The following THRB variants were observed in gnomAD, a reference collection of about 807,000 sequenced individuals.
THRB encodes the protein nuclear receptor subfamily 1 group A member 2.
THRB carries 12 observed loss-of-function variants against 47.8 expected under a neutral mutation model. The observed-to-expected ratio is 0.25, with a 90% CI of 0.16 to 0.41. THRB has a LOEUF of 0.41. Among genes scored for constraint, THRB ranks in the 10% least tolerant of loss-of-function variants. The pLI is 1.00. For missense variants in THRB, 348 were observed against 589.2 expected, an observed-to-expected ratio of 0.59 and a Z score of 4.24; for synonymous variants, 218 against 212.2, an observed-to-expected ratio of 1.03 and a Z score of -0.24.
intron 3 of THRB, among the ~76,000 whole-genome samples, chr3:24,235,248 G>A (rs543194889): frequency 6.6e-6 from 1 of 152,268 alleles, no homozygotes; most frequent in Admixed American, 6.5e-5. Flanking sequence ...ACTCCAGCAC[G>A]CTTGCCCTGA....
intron 1 of THRB, among the ~76,000 whole-genome samples, chr3:24,400,170 G>T (rs1316013199): frequency 6.6e-6 from 1 of 152,028 alleles, no homozygotes; most frequent in South Asian, 2.1e-4. Flanking sequence ...ACTAATCAGT[G>T]TTCCTGTACA....
In THRB at chr3:24,355,344, A is replaced by G. The variant is rs2063608186; in HGVS notation, c.-260-17973T>C. Among the ~76,000 whole-genome samples the G allele has an allele frequency of 3.3e-5, 5 of 152,180 alleles. No individual in the cohort carries two copies. The South Asian group carries it at 1.0e-3, about 32-fold the overall frequency. On this transcript the variant is annotated intron_variant, in intron 1 of 10. Transcript: ENST00000646209. The stretch of plus-strand genomic sequence containing the variant: ...AAAGGCTGAGGAAATGTTTCTGTAT[A>G]ATAAAGGAGCCTAATGAGACATGAC...
intron 2 of THRB, among the ~76,000 whole-genome samples, chr3:24,323,228 T>C (rs79148146): frequency 3.0e-5 from 4 of 134,864 alleles, no homozygotes; most frequent in Admixed American, 2.2e-4. Context: ...CGGTTTTTGG[T>C]TTTTTTTTTT....
chr3:24,159,274 G>C (rs2038384045), intron 5 of THRB, among the ~76,000 whole-genome samples: 1 of 152,014 alleles, frequency 6.6e-6, no homozygotes, highest in Non-Finnish European at 1.5e-5. Flanking sequence ...CTGTCGTTAT[G>C]AGCTATACTG....
chr3:24,370,442 C>T lies in THRB; in HGVS notation c.-260-33071G>A, dbSNP rs116866934. Among the ~76,000 whole-genome samples the T allele has an allele frequency of 2.2e-3, 339 of 151,982 alleles. 6 individuals are homozygous for T. In the East Asian group the frequency reaches 0.043, roughly 19 times the overall value. On this transcript the variant is annotated intron_variant, in intron 1 of 10. Coordinates refer to ENST00000646209, the MANE Select transcript of THRB (RefSeq NM_001354712.2). ...TTGTGTCAAGATGATCATGGCAGGACGTGTGTGAGGTGTGCACATGAGTGT... is the reference window on the plus strand; with the variant it reads ...TTGTGTCAAGATGATCATGGCAGGATGTGTGTGAGGTGTGCACATGAGTGT...
At chr3:24,275,290 G>C (rs1465646185) in intron 3 of THRB, among the ~76,000 whole-genome samples, 1 of 152,042 alleles carries the variant, frequency 6.6e-6, no homozygotes, top group Admixed American at 6.6e-5. Flanking sequence ...TTTTCCCAAG[G>C]CATTAATAAC....
chr3:24,246,548 C>T (rs963504666), intron 3 of THRB, among the ~76,000 whole-genome samples: 76 of 152,228 alleles, frequency 5.0e-4, no homozygotes, highest in African/African-American at 1.3e-3. Flanking sequence ...GATTTAATGA[C>T]GGGATAACCC....
At chr3:24,342,164 AAAAAAAG>A in intron 1 of THRB, among the ~76,000 whole-genome samples, 1 of 152,212 alleles carries the variant, frequency 6.6e-6, no homozygotes, top group Non-Finnish European at 1.5e-5. Flanking sequence ...AAAAAAAAAA[AAAAAAAG>A]AGAGAGATGC....
At chr3:24,177,616 G>A (rs1439797971) in intron 5 of THRB, among the ~76,000 whole-genome samples, 1 of 152,160 alleles carries the variant, frequency 6.6e-6, no homozygotes, top group African/African-American at 2.4e-5. Context: ...AATTCATTCT[G>A]ATGGGGCATG....
At chr3:24,260,438 TG>T (rs1175466461) in intron 3 of THRB, among the ~76,000 whole-genome samples, 1 of 152,168 alleles carries the variant, frequency 6.6e-6, no homozygotes, top group African/African-American at 2.4e-5. Context: ...CTTCAGGAAA[TG>T]GTACAATTTC....
chr3:24,150,036 C>G (rs909759931), intron 6 of THRB, among the ~76,000 whole-genome samples: 2 of 152,214 alleles, frequency 1.3e-5, no homozygotes, highest in Non-Finnish European at 2.9e-5. Context: ...ATAACTCACT[C>G]TTCTAGTTCA....
intron 5 of THRB, among the ~76,000 whole-genome samples, chr3:24,186,302 C>G (rs565547380): frequency 2.0e-5 from 3 of 152,258 alleles, no homozygotes; most frequent in South Asian, 4.2e-4. Context: ...ACCACACTTT[C>G]AGTAGCACTG....
At chr3:24,347,622 A>T (rs897082634) in intron 1 of THRB, among the ~76,000 whole-genome samples, 19 of 151,040 alleles carry the variant, frequency 1.3e-4, no homozygotes, top group African/African-American at 1.7e-4. Flanking sequence ...TAAAATTTTT[A>T]AAAAATTTCT....
At chr3:24,169,949 G>A (rs1008193853) in intron 5 of THRB, among the ~76,000 whole-genome samples, 1 of 152,076 alleles carries the variant, frequency 6.6e-6, no homozygotes, top group Non-Finnish European at 1.5e-5. Context: ...GTATTTTGGA[G>A]AAAAAGTTTG....
chr3:24,160,014 C>T (rs2683534), intron 5 of THRB, among the ~76,000 whole-genome samples: 24,490 of 151,990 alleles, frequency 0.16, 2,193 homozygotes, highest in Admixed American at 0.28. Context: ...TGGTTGGGAG[C>T]GGGGGTGATG....
intron 1 of THRB, among the ~76,000 whole-genome samples, chr3:24,457,474 C>G (rs2073290254): frequency 6.6e-6 from 1 of 152,098 alleles, no homozygotes; most frequent in Non-Finnish European, 1.5e-5. Flanking sequence ...TAATGTCTTC[C>G]TAAATAAGAA....
intron 1 of THRB, among the ~76,000 whole-genome samples, chr3:24,399,104 G>C (rs1265043069): frequency 6.6e-6 from 1 of 151,870 alleles, no homozygotes; most frequent in East Asian, 1.9e-4. Context: ...GGGAGGGATA[G>C]CATTAGGAGA....
At chr3:24,269,313 ACACACACACG>A (rs2053010100) in intron 3 of THRB, among the ~76,000 whole-genome samples, 6 of 129,732 alleles carry the variant, frequency 4.6e-5, no homozygotes, top group Admixed American at 7.6e-5. Context: ...ACACACACAC[ACACACACACG>A]TTATCTTTGC....
chr3:24,191,218 C>T (rs7612541), intron 4 of THRB, among the ~76,000 whole-genome samples: 24,704 of 151,130 alleles, frequency 0.16, 2,125 homozygotes, highest in African/African-American at 0.22. Flanking sequence ...ATCTTTACTG[C>T]ACATGGATAT....
Sources: gnomAD v4.1 joint callset for allele counts (sites outside exome capture counted in the v4.1 genomes callset) on GRCh38, gnomAD v4.1.1 for gene constraint, MANE v1.5 for transcripts, NCBI Gene and HGNC (gene_info 2026-07-23, HGNC 2026-07-21) for gene names.